The following MPZL1 variants were observed in gnomAD, a reference collection of about 807,000 sequenced individuals.
MPZL1 encodes the protein myelin protein zero-like protein 1.
In MPZL1, 16 loss-of-function variants were observed where a neutral mutation model predicts 29.3. That is an observed-to-expected ratio of 0.55 (90% CI 0.37 to 0.83). The LOEUF (loss-of-function observed/expected upper bound fraction) is 0.83, where lower values mean the gene tolerates loss of function less well. Ranked by LOEUF, MPZL1 falls within the 40% of genes least tolerant of loss-of-function variation. MPZL1 has a pLI of 0.00. For synonymous variants in MPZL1, 143 were observed against 132.0 expected, an observed-to-expected ratio of 1.08 and a Z score of -0.57; for missense variants, 279 against 332.9, an observed-to-expected ratio of 0.84 and a Z score of 1.26.
chr1:167,767,494 A>G (rs78264830), intron 2 of MPZL1, among the ~76,000 whole-genome samples: 1,979 of 152,316 alleles, frequency 0.013, 43 homozygotes, highest in African/African-American at 0.045. Context: ...TATTAAGAAC[A>G]TGCTGTAATT....
chr1:167,739,288 TATATATATATATATATATATACAC>T (rs1481530605), intron 1 of MPZL1, among the ~76,000 whole-genome samples: 57 of 108,306 alleles, frequency 5.3e-4, no homozygotes, highest in African/African-American at 1.1e-3. Flanking sequence ...TATACATATA[TATATATATATATATATATATACAC>T]ATATATATAT....
chr1:167,772,691 A>C (rs1223066959), intron 3 of MPZL1, among the ~76,000 whole-genome samples: 1 of 152,110 alleles, frequency 6.6e-6, no homozygotes, highest in Non-Finnish European at 1.5e-5. Flanking sequence ...AGAGTGGCTG[A>C]TTTCTCCATT....
chr1:167,775,842 C>T (rs1359988778), intron 4 of MPZL1, among the ~76,000 whole-genome samples: 2 of 152,140 alleles, frequency 1.3e-5, no homozygotes, highest in African/African-American at 4.8e-5. Flanking sequence ...GTTTCTGTGC[C>T]TCCCCCAGTG....
Position 167,771,349 on chromosome 1 carries a change from T to C in MPZL1, c.259-926T>C, listed in dbSNP as rs570117617. On this transcript the variant is annotated intron_variant, in intron 2 of 5. Coordinates refer to ENST00000359523, the MANE Select transcript of MPZL1 (RefSeq NM_003953.6). ...TTAACAGCATCCCAAGGCAGAAGAATTTTTCTTAGTACAGAACAAAATGGA... is the reference window on the plus strand; with the variant it reads ...TTAACAGCATCCCAAGGCAGAAGAACTTTTCTTAGTACAGAACAAAATGGA... Among the ~76,000 whole-genome samples the C allele has an allele frequency of 5.9e-4, 90 of 152,340 alleles. 1 individual carries two copies. Among genetic ancestry groups the C allele is most frequent in the Middle Eastern group, 6.8e-3 (2 of 294 alleles).
At chr1:167,743,961 G>A (rs1660590993) in intron 1 of MPZL1, among the ~76,000 whole-genome samples, 1 of 152,034 alleles carries the variant, frequency 6.6e-6, no homozygotes, top group Non-Finnish European at 1.5e-5. Context: ...GAAGTGGTAA[G>A]AGTGGGCATC....
chr1:167,761,301 C>G (rs577866229), intron 1 of MPZL1, among the ~76,000 whole-genome samples: 1 of 152,084 alleles, frequency 6.6e-6, no homozygotes, highest in African/African-American at 2.4e-5. Flanking sequence ...TATATTGCTG[C>G]TGGTGGTAAT....
chr1:167,730,301 C>T (rs1222966954), intron 1 of MPZL1, among the ~76,000 whole-genome samples: 2 of 151,276 alleles, frequency 1.3e-5, no homozygotes, highest in African/African-American at 4.9e-5. Context: ...TTTTTTGAGG[C>T]AGAGTCTCTT....
At chr1:167,755,724 G>A (rs1180765278) in intron 1 of MPZL1, among the ~76,000 whole-genome samples, 1 of 152,214 alleles carries the variant, frequency 6.6e-6, no homozygotes, top group Non-Finnish European at 1.5e-5. Flanking sequence ...GCCCTGCGCT[G>A]TGGAAAGTCT....
intron 5 of MPZL1, among the ~76,000 whole-genome samples, chr1:167,785,138 TGTGGATTGGTCGA>T (rs896307596): frequency 3.9e-5 from 6 of 152,240 alleles, no homozygotes; most frequent in African/African-American, 1.4e-4. Flanking sequence ...CTCCCCATTC[TGTGGATTGGTCGA>T]GCAGATTCTG....
chr1:167,732,629 T>G (rs894044823), intron 1 of MPZL1, among the ~76,000 whole-genome samples: 1 of 152,132 alleles, frequency 6.6e-6, no homozygotes, highest in Non-Finnish European at 1.5e-5. Context: ...TTTTTAGTTC[T>G]TTTTTTGAGA....
chr1:167,745,654 C>T (rs957185538), intron 1 of MPZL1, among the ~76,000 whole-genome samples: 3 of 151,922 alleles, frequency 2.0e-5, no homozygotes, highest in Non-Finnish European at 4.4e-5. Context: ...TAAATGGGCA[C>T]TCTTATTTTC....
In MPZL1 at chr1:167,782,083, T is replaced by G. The variant is rs143426823; in HGVS notation, c.709-5737T>G. 7.6e-3 allele frequency among the ~76,000 whole-genome samples: 1,165 copies of G among 152,306 alleles called. 6 individuals are homozygous for G. Among genetic ancestry groups the G allele is most frequent in the Middle Eastern group, 0.014 (4 of 294 alleles). On this transcript the variant is annotated intron_variant, in intron 5 of 5. Coordinates refer to ENST00000359523, the MANE Select transcript of MPZL1 (RefSeq NM_003953.6). The stretch of plus-strand genomic sequence containing the variant: ...TCATTGTATTGTCTTTCTGCCATTT[T>G]CTGCATAATTTCTTCATCTGCCTTC...
At position 167,765,780 on chromosome 1, in the gene MPZL1, C is replaced by T. The variant is rs1307624282; in HGVS notation, c.258+31C>T. ...AATGCTTGACTTCTCTTGGCTAGTC[C>T]TGCCTCACAGGTTTCTTTACTGCTG... On this transcript the variant is annotated intron_variant, in intron 2 of 5. Transcript: ENST00000359523. 2.6e-6 allele frequency: 4 copies of T among 1,549,008 alleles called. No homozygotes were observed. In the East Asian group the frequency reaches 6.9e-5, roughly 27 times the overall value.
In MPZL1 at chr1:167,788,118, T is replaced by C. The variant is rs555445604; in HGVS notation, c.*197T>C. 7.9e-5 allele frequency: 40 copies of C among 505,412 alleles called. No homozygotes were observed. Among genetic ancestry groups the C allele is most frequent in the South Asian group, 4.8e-4 (15 of 31,324 alleles). The allele number at this position is 505,412 out of a possible 1,614,324, so 31.3% of individuals were successfully genotyped here. On this transcript the variant is annotated 3_prime_UTR_variant, in exon 6 of 6. Coordinates refer to ENST00000359523, the MANE Select transcript of MPZL1 (RefSeq NM_003953.6). ...TAGTCATCCTGATATGAGGAGCCAGTGTTGCATGATGAAAAGATGGTATGA... is the reference window on the plus strand; with the variant it reads ...TAGTCATCCTGATATGAGGAGCCAGCGTTGCATGATGAAAAGATGGTATGA...
At chr1:167,777,894 A>AG in intron 5 of MPZL1, among the ~76,000 whole-genome samples, 1 of 152,368 alleles carries the variant, frequency 6.6e-6, no homozygotes, top group East Asian at 1.9e-4. Context: ...AAAGCTTAAA[A>AG]GGAAGCCTTT....
At chr1:167,738,201 G>A (rs1395936418) in intron 1 of MPZL1, among the ~76,000 whole-genome samples, 1 of 152,060 alleles carries the variant, frequency 6.6e-6, no homozygotes, top group Non-Finnish European at 1.5e-5. Flanking sequence ...TAGGATTATA[G>A]GAGTGAGCCA....
chr1:167,785,866 C>T (rs1297278726), intron 5 of MPZL1, among the ~76,000 whole-genome samples: 2 of 152,168 alleles, frequency 1.3e-5, no homozygotes, highest in Admixed American at 6.5e-5. Context: ...TATCTTGGCT[C>T]ACTGTAAGCT....
intron 4 of MPZL1, chr1:167,773,922 G>A (rs1278390490): frequency 6.6e-6 from 1 of 150,748 alleles, no homozygotes; most frequent in Non-Finnish European, 1.5e-5. Flanking sequence ...AAGAAAGAAA[G>A]AAGAAGAAAA....
chr1:167,760,082 A>G (rs1260635683), intron 1 of MPZL1, among the ~76,000 whole-genome samples: 2 of 152,218 alleles, frequency 1.3e-5, no homozygotes, highest in Admixed American at 1.3e-4. Context: ...TGAAGGAGGC[A>G]GACACCAATT....
Sources: gnomAD v4.1 joint callset for allele counts (sites outside exome capture counted in the v4.1 genomes callset) on GRCh38, gnomAD v4.1.1 for gene constraint, MANE v1.5 for transcripts, NCBI Gene and HGNC (gene_info 2026-07-23, HGNC 2026-07-21) for gene names.